The following TRMT9B variants were observed in gnomAD, a reference collection of about 807,000 sequenced individuals.
TRMT9B encodes tRNA methyltransferase 9B (putative).
TRMT9B carries 16 observed loss-of-function variants against 11.5 expected under a neutral mutation model. The ratio of observed to expected loss-of-function variants is 1.39; its 90% CI spans 0.94 to 2.11. TRMT9B has a LOEUF of 2.11. Ranked by LOEUF, TRMT9B falls within the 30% of genes most tolerant of loss-of-function variation. The probability of loss-of-function intolerance (pLI) is 0.00; values close to 1 mark genes in which losing one functional copy is unlikely to be tolerated. For synonymous variants in TRMT9B, 274 were observed against 192.4 expected, an observed-to-expected ratio of 1.42 and a Z score of -3.51; for missense variants, 941 against 553.8, an observed-to-expected ratio of 1.70 and a Z score of -7.02.
At chr8:12,974,910 G>T (rs1804201437) in intron 1 of TRMT9B, among the ~76,000 whole-genome samples, 1 of 144,320 alleles carries the variant, frequency 6.9e-6, no homozygotes, top group Admixed American at 7.5e-5. Flanking sequence ...CAGATCAAAG[G>T]AAAACCAACA....
intron 1 of TRMT9B, among the ~76,000 whole-genome samples, chr8:12,966,896 T>G (rs545850328): frequency 1.6e-4 from 25 of 152,286 alleles, no homozygotes; most frequent in African/African-American, 5.8e-4. Flanking sequence ...ACCACATTCT[T>G]ACTACCTTGC....
At chr8:12,958,467 A>C (rs534333511) in intron 1 of TRMT9B, 3 of 152,596 alleles carry the variant, frequency 2.0e-5, no homozygotes, top group Admixed American at 1.3e-4. Context: ...ATTGGTGCCC[A>C]GCTATGCCTC....
chr8:12,999,312 AAAAGAAAAGAAAAAAAAAAAG>A (rs1808952837), intron 2 of TRMT9B, among the ~76,000 whole-genome samples: 2 of 147,338 alleles, frequency 1.4e-5, no homozygotes, highest in Admixed American at 1.3e-4. Context: ...AAAAAAAAAA[AAAAGAAAAGAAAAAAAAAAAG>A]AAAGATTGTT....
At chr8:13,008,174 C>T (rs1445670722) in intron 3 of TRMT9B, among the ~76,000 whole-genome samples, 1 of 152,170 alleles carries the variant, frequency 6.6e-6, no homozygotes, top group Non-Finnish European at 1.5e-5. Context: ...ATCATTATTT[C>T]ATAAACATTG....
At chr8:13,015,881 C>T (rs563106539) in intron 4 of TRMT9B, among the ~76,000 whole-genome samples, 6 of 152,096 alleles carry the variant, frequency 3.9e-5, no homozygotes, top group South Asian at 2.1e-4. Flanking sequence ...GAAAACAGCA[C>T]GCGTTTTTAT....
intron 1 of TRMT9B, among the ~76,000 whole-genome samples, chr8:12,979,522 T>C (rs1805019141): frequency 1.3e-5 from 2 of 152,176 alleles, no homozygotes. Flanking sequence ...TCTTTTTTCT[T>C]AAGCTCATTC....
Position 13,012,747 on chromosome 8 carries a change from G to A in TRMT9B, c.218G>A (p.Cys73Tyr), listed in dbSNP as rs754526740. The A allele has an allele frequency of 1.2e-6, 2 of 1,613,994 alleles. No homozygotes were observed. Among genetic ancestry groups the A allele is most frequent in the Admixed American group, 1.7e-5 (1 of 60,018 alleles). ...SQVHTVGCDY[C>Y]GPLVEIARNR... ...GTACATACCGTGGGCTGTGACTACTGTGGGCCACTGGTAGAGATTGCCCGG... is the reference window on the plus strand; with the variant it reads ...GTACATACCGTGGGCTGTGACTACTATGGGCCACTGGTAGAGATTGCCCGG... The change falls in exon 4 of 5, where the codon TGT becomes TAT. Residue 73 changes from cysteine (C) to tyrosine (Y), a missense_variant. By Grantham distance (194) the Cys-to-Tyr change is radical. Coordinates refer to ENST00000524591, the MANE Select transcript of TRMT9B (RefSeq NM_020844.3).
intron 1 of TRMT9B, among the ~76,000 whole-genome samples, chr8:12,956,091 A>G (rs1801265813): frequency 6.6e-6 from 1 of 152,114 alleles, no homozygotes; most frequent in South Asian, 2.1e-4. Context: ...TTCTTACGCT[A>G]CTCATCTCCC....
chr8:13,004,754 A>G (rs1810109905), intron 2 of TRMT9B, among the ~76,000 whole-genome samples: 1 of 152,030 alleles, frequency 6.6e-6, no homozygotes, highest in Non-Finnish European at 1.5e-5. Flanking sequence ...TGTGGTGGCT[A>G]TGGGGCAACA....
chr8:12,964,301 A>T (rs567389566), intron 1 of TRMT9B, among the ~76,000 whole-genome samples: 7 of 152,340 alleles, frequency 4.6e-5, no homozygotes, highest in Middle Eastern at 3.4e-3. Context: ...TCTTGGCAAT[A>T]AGTAAAATAG....
rs201664403 is a variant in TRMT9B, at chr8:13,006,247, T to C, written c.45T>C (p.Asn15=). ...AAQLEKQHVH[N]VYESTAPYFS... The stretch of plus-strand genomic sequence containing the variant: ...AGCTGGAGAAGCAGCATGTGCACAA[T>C]GTGTACGAGAGCACAGCCCCTTACT... Residue 15 remains asparagine, a synonymous_variant, in exon 3 of 5, where the codon AAT becomes AAC. Transcript: ENST00000524591. 81 of 1,613,978 alleles carry C rather than the reference T, an allele frequency of 5.0e-5. 1 individual carries two copies. The East Asian group carries it at 1.7e-3, about 33-fold the overall frequency.
intron 3 of TRMT9B, chr8:13,012,149 C>A: frequency 1.0e-6 from 1 of 985,536 alleles, no homozygotes; most frequent in Non-Finnish European, 1.2e-6. Flanking sequence ...ATTAAATATT[C>A]AATAAATGTT....
intron 4 of TRMT9B, among the ~76,000 whole-genome samples, chr8:13,015,599 C>A (rs1032018018): frequency 1.3e-5 from 2 of 152,120 alleles, no homozygotes; most frequent in African/African-American, 4.8e-5. Context: ...ACCAGTCCAC[C>A]TGCCTTGGCC....
At position 12,976,673 on chromosome 8, in the gene TRMT9B, T is replaced by C. The variant is rs142003631; in HGVS notation, c.-199-14161T>C. On this transcript the variant is annotated intron_variant, in intron 1 of 4. Transcript: ENST00000524591. ...TCAAAAGATGTTACTGAAGAGAGTT[T>C]AGTAAAAGGCCCGTTCACAAAGTGT... Among the ~76,000 whole-genome samples, 4 of 152,274 alleles carry C rather than the reference T, an allele frequency of 2.6e-5. No homozygotes were observed. The East Asian group carries it at 7.7e-4, about 29-fold the overall frequency.
chr8:12,945,840 A>G lies in TRMT9B; in HGVS notation c.-326A>G, dbSNP rs2128853202. The G allele has an allele frequency of 6.6e-6, 1 of 151,960 alleles. No individual in the cohort carries two copies. Among genetic ancestry groups the G allele is most frequent in the East Asian group, 1.9e-4 (1 of 5,166 alleles). 9.4% of individuals were successfully genotyped at this position (151,960 alleles called of 1,614,324 possible). On this transcript the variant is annotated 5_prime_UTR_variant, in exon 1 of 5. Coordinates refer to ENST00000524591, the MANE Select transcript of TRMT9B (RefSeq NM_020844.3). ...ATGCATATGTTCCTTCAACTTATTCAGTACTTCCATGTGCAGGGCTCTGGA... is the reference window on the plus strand; with the variant it reads ...ATGCATATGTTCCTTCAACTTATTCGGTACTTCCATGTGCAGGGCTCTGGA...
At chr8:12,946,459 T>C (rs1800268858) in intron 1 of TRMT9B, among the ~76,000 whole-genome samples, 1 of 152,058 alleles carries the variant, frequency 6.6e-6, no homozygotes, top group South Asian at 2.1e-4. Context: ...AGTCTAAGAA[T>C]GTGCCAGGTG....
At chr8:12,993,440 C>T (rs1209288628) in intron 2 of TRMT9B, among the ~76,000 whole-genome samples, 1 of 152,152 alleles carries the variant, frequency 6.6e-6, no homozygotes, top group Non-Finnish European at 1.5e-5. Context: ...TATTGTGTCT[C>T]CAGCCAAGTG....
rs1814161772 is a variant in TRMT9B, at chr8:13,022,750, G to C, written c.*706G>C. 2 of 167,042 alleles carry C rather than the reference G, an allele frequency of 1.2e-5. No individual in the cohort carries two copies. Among genetic ancestry groups the C allele is most frequent in the South Asian group, 4.1e-4 (2 of 4,830 alleles). The allele number at this position is 167,042 out of a possible 1,614,324, so 10.3% of individuals were successfully genotyped here. ...CTCATGCCTGTAATCCCAGCACTTT[G>C]GGAGGCCAAGGCAGAAGGATCACTT... On this transcript the variant is annotated 3_prime_UTR_variant, in exon 5 of 5. Transcript: ENST00000524591.
At chr8:12,999,038 C>A (rs146023634) in intron 2 of TRMT9B, among the ~76,000 whole-genome samples, 1 of 152,124 alleles carries the variant, frequency 6.6e-6, no homozygotes, top group Admixed American at 6.5e-5. Flanking sequence ...CAGTGGCTCA[C>A]GCCTGTAATC....
Sources: gnomAD v4.1 joint callset for allele counts (sites outside exome capture counted in the v4.1 genomes callset) on GRCh38, gnomAD v4.1.1 for gene constraint, MANE v1.5 for transcripts, NCBI Gene and HGNC (gene_info 2026-07-23, HGNC 2026-07-21) for gene names.